The following DLG2 variants were observed in gnomAD, a reference collection of about 807,000 sequenced individuals.
DLG2 encodes disks large homolog 2.
DLG2 carries 45 observed loss-of-function variants against 132.5 expected under a neutral mutation model. The ratio of observed to expected loss-of-function variants is 0.34; its 90% CI spans 0.27 to 0.44. DLG2 has a LOEUF of 0.44. Ranked by LOEUF, DLG2 falls within the 20% of genes least tolerant of loss-of-function variation. DLG2 has a pLI of 1.00. For missense variants in DLG2, 1,045 were observed against 1,196.9 expected (o/e 0.87, Z 1.87); for synonymous variants, 424 against 419.6 (o/e 1.01, Z -0.13).
intron 6 of DLG2, among the ~76,000 whole-genome samples, chr11:84,774,137 A>G (rs2069957759): frequency 1.3e-5 from 2 of 152,198 alleles, no homozygotes; most frequent in Non-Finnish European, 2.9e-5. Context: ...TGTAAATACC[A>G]ATAAAGTTCA....
chr11:85,162,416 C>T (rs1020014553), intron 4 of DLG2, among the ~76,000 whole-genome samples: 1 of 152,124 alleles, frequency 6.6e-6, no homozygotes, highest in African/African-American at 2.4e-5. Flanking sequence ...AACACACAAC[C>T]TGCTGAGGTG....
intron 7 of DLG2, among the ~76,000 whole-genome samples, chr11:84,469,324 C>A (rs1184777505): frequency 6.6e-6 from 1 of 151,472 alleles, no homozygotes; most frequent in African/African-American, 2.4e-5. Flanking sequence ...GACCTAGGGA[C>A]CAAATCAAAG....
intron 9 of DLG2, among the ~76,000 whole-genome samples, chr11:84,112,622 T>A (rs2093424560): frequency 6.6e-6 from 1 of 152,136 alleles, no homozygotes; most frequent in African/African-American, 2.4e-5. Flanking sequence ...TAGGTTCTCA[T>A]TTGCTACAGC....
At chr11:83,799,290 T>C (rs1164174437) in intron 17 of DLG2, among the ~76,000 whole-genome samples, 1 of 152,200 alleles carries the variant, frequency 6.6e-6, no homozygotes, top group Non-Finnish European at 1.5e-5. Flanking sequence ...AGAAGTTTTG[T>C]CAATAAGTGG....
chr11:84,223,936 A>G (rs2096953261), intron 8 of DLG2, among the ~76,000 whole-genome samples: 1 of 152,162 alleles, frequency 6.6e-6, no homozygotes, highest in Non-Finnish European at 1.5e-5. Flanking sequence ...ACATGCTTAT[A>G]TTAGCCCATT....
chr11:84,677,635 G>A (rs2153701915), intron 6 of DLG2, among the ~76,000 whole-genome samples: 2 of 152,114 alleles, frequency 1.3e-5, no homozygotes, highest in South Asian at 4.2e-4. Context: ...TGGAATCCTA[G>A]CAGTTTGGGA....
intron 6 of DLG2, among the ~76,000 whole-genome samples, chr11:84,605,347 T>C (rs1451845563): frequency 6.6e-6 from 1 of 151,914 alleles, no homozygotes; most frequent in Non-Finnish European, 1.5e-5. Flanking sequence ...TGTCATATTA[T>C]TTCCCAGGAA....
chr11:84,468,481 G>A (rs2099100419), intron 7 of DLG2, among the ~76,000 whole-genome samples: 1 of 151,430 alleles, frequency 6.6e-6, no homozygotes, highest in Non-Finnish European at 1.5e-5. Context: ...GTATACCCAT[G>A]CTGCAATGAT....
At chr11:85,597,866 T>A (rs1014746119) in intron 3 of DLG2, among the ~76,000 whole-genome samples, 3 of 151,560 alleles carry the variant, frequency 2.0e-5, no homozygotes, top group Non-Finnish European at 4.4e-5. Context: ...ATTGTATAAT[T>A]GAGTGGGTTT....
At chr11:84,049,252 T>C (rs1453828307) in intron 11 of DLG2, among the ~76,000 whole-genome samples, 2 of 151,852 alleles carry the variant, frequency 1.3e-5, no homozygotes, top group South Asian at 2.1e-4. Context: ...GTCAAGTTGA[T>C]ATTTAGATAA....
intron 5 of DLG2, among the ~76,000 whole-genome samples, chr11:85,146,438 T>A (rs1294755916): frequency 6.6e-6 from 1 of 152,102 alleles, no homozygotes; most frequent in African/African-American, 2.4e-5. Context: ...GGCTCTTTAG[T>A]CATCAGGTGG....
chr11:85,491,097 G>A (rs1336414201), intron 3 of DLG2, among the ~76,000 whole-genome samples: 2 of 151,884 alleles, frequency 1.3e-5, no homozygotes, highest in Non-Finnish European at 2.9e-5. Context: ...TTTTATAACA[G>A]AAATGCAAAT....
intron 17 of DLG2, 114 bp downstream of exon 17, chr11:83,833,500 C>T (rs1265279421): frequency 9.5e-6 from 11 of 1,154,086 alleles, no homozygotes; most frequent in Non-Finnish European, 1.3e-5. Context: ...TCGTGATGCT[C>T]TCATCCACTT....
intron 19 of DLG2, among the ~76,000 whole-genome samples, chr11:83,543,604 G>A (rs566764123): frequency 6.6e-6 from 1 of 152,100 alleles, no homozygotes; most frequent in East Asian, 1.9e-4. Context: ...TGATAATGAT[G>A]ACAATGATGA....
intron 12 of DLG2, among the ~76,000 whole-genome samples, chr11:83,968,878 A>G (rs777460398): frequency 7.2e-5 from 11 of 152,236 alleles, no homozygotes; most frequent in Non-Finnish European, 1.3e-4. Flanking sequence ...ATGAATGGAT[A>G]GAAGAATAGA....
chr11:85,462,894 G>A (rs1328827742), intron 3 of DLG2, among the ~76,000 whole-genome samples: 7 of 152,098 alleles, frequency 4.6e-5, no homozygotes, highest in Admixed American at 4.6e-4. Context: ...AGGTCAGAAA[G>A]GTGGGTCATC....
At chr11:84,322,630 C>T (rs771560791) in intron 7 of DLG2, among the ~76,000 whole-genome samples, 4 of 149,542 alleles carry the variant, frequency 2.7e-5, no homozygotes. Flanking sequence ...TATTCTGTTG[C>T]CCAGGCTGGA....
intron 4 of DLG2, among the ~76,000 whole-genome samples, chr11:85,219,110 T>C (rs1223951798): frequency 6.6e-6 from 1 of 152,122 alleles, no homozygotes; most frequent in African/African-American, 2.4e-5. Flanking sequence ...GTTGAAAAAC[T>C]ACCTATCAGG....
chr11:83,909,359 G>A (rs995330462), intron 15 of DLG2, among the ~76,000 whole-genome samples: 1 of 152,114 alleles, frequency 6.6e-6, no homozygotes, highest in Non-Finnish European at 1.5e-5. Context: ...CAGCTGCAAG[G>A]TTTTTGCAAA....
Sources: allele counts gnomAD v4.1 joint callset (sites outside exome capture counted in the v4.1 genomes callset), GRCh38; gene constraint gnomAD v4.1.1; transcripts MANE v1.5; gene names NCBI Gene and HGNC (gene_info 2026-07-23, HGNC 2026-07-21).